The following FRMD4A variants were observed in gnomAD, a reference collection of about 807,000 sequenced individuals.
The protein encoded by FRMD4A is FERM domain containing 4A.
FRMD4A carries 29 observed loss-of-function variants against 129.1 expected under a neutral mutation model. The ratio of observed to expected loss-of-function variants is 0.22; its 90% CI spans 0.17 to 0.31. FRMD4A has a LOEUF of 0.31. FRMD4A is among the 10% of genes least tolerant of loss of function. The pLI is 1.00. For synonymous variants in FRMD4A, 634 were observed against 571.6 expected, an observed-to-expected ratio of 1.11 and a Z score of -1.56; for missense variants, 1,272 against 1,375.8, an observed-to-expected ratio of 0.92 and a Z score of 1.19.
chr10:13,657,573 A>T lies in FRMD4A; in HGVS notation c.2067-51T>A. On this transcript the variant is annotated intron_variant, in intron 21 of 24. Transcript: ENST00000357447. ...CTGGGGGTGGGGAGTGGGCCCAAGG[A>T]GGGGTGCTCCGGGGAGGAGGGGGTC... is the stretch of plus-strand genomic sequence containing the variant. 118 of 1,209,158 alleles carry T rather than the reference A, an allele frequency of 9.8e-5. No individual in the cohort carries two copies. The Middle Eastern group carries it at 9.9e-4, about 10-fold the overall frequency. The allele number at this position is 1,209,158 out of a possible 1,614,324, so 74.9% of individuals were successfully genotyped here.
At chr10:13,811,697 C>G (rs563791446) in intron 3 of FRMD4A, among the ~76,000 whole-genome samples, 1 of 152,096 alleles carries the variant, frequency 6.6e-6, no homozygotes, top group Non-Finnish European at 1.5e-5. Context: ...GAAGTGACCA[C>G]AGAACACCAG....
rs1348279422 is a variant in FRMD4A at position 14,225,889 on chromosome 10, C to A, written c.45+104169G>T. On this transcript the variant is annotated intron_variant, in intron 2 of 24. Coordinates refer to ENST00000357447, the MANE Select transcript of FRMD4A (RefSeq NM_018027.5). ...AAGTTTTGTATGAGTCAGAATCTCC[C>A]AGTGTGTTCTAGGGCCATCTCAAAG... Among the ~76,000 whole-genome samples, 8 of 152,122 alleles carry A rather than the reference C, an allele frequency of 5.3e-5. No individual in the cohort carries two copies. The East Asian group carries it at 1.5e-3, about 29-fold the overall frequency.
intron 2 of FRMD4A, among the ~76,000 whole-genome samples, chr10:14,111,226 G>A (rs1308066189): frequency 6.6e-6 from 1 of 152,122 alleles, no homozygotes; most frequent in Non-Finnish European, 1.5e-5. Context: ...CATGTAAGTG[G>A]AATCCTACAT....
At chr10:13,990,422 C>A (rs2095599250) in intron 2 of FRMD4A, among the ~76,000 whole-genome samples, 1 of 152,164 alleles carries the variant, frequency 6.6e-6, no homozygotes. Context: ...AGGGTCCTGG[C>A]CTGTCTTGTC....
At chr10:14,240,300 T>C (rs1843996030) in intron 2 of FRMD4A, among the ~76,000 whole-genome samples, 1 of 152,184 alleles carries the variant, frequency 6.6e-6, no homozygotes, top group Non-Finnish European at 1.5e-5. Flanking sequence ...CCATTTATGA[T>C]TTCTCAGACT....
intron 2 of FRMD4A, among the ~76,000 whole-genome samples, chr10:14,035,429 C>CA (rs11289297): frequency 0.42 from 52,818 of 126,768 alleles, 11,701 homozygotes; most frequent in Non-Finnish European, 0.55. Flanking sequence ...AACAAATAAA[C>CA]AAAAAAAAAA....
At chr10:13,963,554 A>G (rs1225430334) in intron 2 of FRMD4A, among the ~76,000 whole-genome samples, 1 of 152,172 alleles carries the variant, frequency 6.6e-6, no homozygotes, top group Non-Finnish European at 1.5e-5. Flanking sequence ...TGAAAACCCA[A>G]TCTCATTTTA....
At chr10:13,768,979 T>C (rs2092371727) in intron 6 of FRMD4A, among the ~76,000 whole-genome samples, 1 of 145,204 alleles carries the variant, frequency 6.9e-6, no homozygotes, top group African/African-American at 2.5e-5. Context: ...TAGGAAACTT[T>C]ACTAGATTTT....
At chr10:14,107,058 A>G (rs1837625363) in intron 2 of FRMD4A, among the ~76,000 whole-genome samples, 1 of 152,200 alleles carries the variant, frequency 6.6e-6, no homozygotes, top group Admixed American at 6.5e-5. Context: ...AGCAACATGG[A>G]TACAGCTGGA....
intron 2 of FRMD4A, among the ~76,000 whole-genome samples, chr10:14,017,482 T>G (rs980585138): frequency 6.6e-6 from 1 of 152,220 alleles, no homozygotes; most frequent in Non-Finnish European, 1.5e-5. Flanking sequence ...CAATAGCTGT[T>G]GACTCAATTT....
intron 2 of FRMD4A, among the ~76,000 whole-genome samples, chr10:14,117,321 C>T (rs1369646172): frequency 6.6e-6 from 1 of 152,202 alleles, no homozygotes; most frequent in Non-Finnish European, 1.5e-5. Context: ...GAGCCTCCAA[C>T]AGCTAATGAG....
intron 2 of FRMD4A, among the ~76,000 whole-genome samples, chr10:14,197,578 C>T (rs959161854): frequency 2.0e-5 from 3 of 152,186 alleles, no homozygotes; most frequent in Non-Finnish European, 2.9e-5. Flanking sequence ...CCAGGCTGGA[C>T]TTGAACTCCT....
At chr10:13,704,295 C>T (rs1053420691) in intron 13 of FRMD4A, among the ~76,000 whole-genome samples, 2 of 152,192 alleles carry the variant, frequency 1.3e-5, no homozygotes, top group Non-Finnish European at 2.9e-5. Flanking sequence ...CATCCCGGGT[C>T]TCCACCTCTG....
intron 2 of FRMD4A, among the ~76,000 whole-genome samples, chr10:14,158,098 T>C (rs1294907210): frequency 6.6e-6 from 1 of 151,930 alleles, no homozygotes; most frequent in African/African-American, 2.4e-5. Flanking sequence ...AGGGGCCTGA[T>C]CATAAAGAGC....
intron 2 of FRMD4A, among the ~76,000 whole-genome samples, chr10:14,276,455 AC>A (rs1354944694): frequency 6.6e-6 from 1 of 152,206 alleles, no homozygotes; most frequent in African/African-American, 2.4e-5. Flanking sequence ...CTCTCAGGGA[AC>A]CTATTCAGTG....
chr10:13,916,859 C>T (rs1457297293), intron 2 of FRMD4A, among the ~76,000 whole-genome samples: 2 of 151,956 alleles, frequency 1.3e-5, no homozygotes, highest in Admixed American at 1.3e-4. Flanking sequence ...CATTTCCCCC[C>T]AAAAAAGAAA....
intron 2 of FRMD4A, among the ~76,000 whole-genome samples, chr10:13,968,023 C>T (rs919845085): frequency 1.3e-5 from 2 of 152,154 alleles, no homozygotes; most frequent in African/African-American, 2.4e-5. Context: ...TCAGCGGGGG[C>T]GCTTAAGACA....
intron 2 of FRMD4A, among the ~76,000 whole-genome samples, chr10:13,963,235 G>C (rs2095458235): frequency 7.1e-6 from 1 of 141,840 alleles, no homozygotes; most frequent in South Asian, 2.2e-4. Context: ...GAAATTTAAT[G>C]AATTTACTAA....
chr10:14,144,932 G>T (rs957368842), intron 2 of FRMD4A, among the ~76,000 whole-genome samples: 1 of 152,188 alleles, frequency 6.6e-6, no homozygotes, highest in African/African-American at 2.4e-5. Context: ...GAAACTCTCA[G>T]CTGAGAGGTC....
Sources: gnomAD v4.1 joint callset for allele counts (sites outside exome capture counted in the v4.1 genomes callset) on GRCh38, gnomAD v4.1.1 for gene constraint, MANE v1.5 for transcripts, NCBI Gene and HGNC (gene_info 2026-07-23, HGNC 2026-07-21) for gene names.